Variants in DENND1B observed in about 807,000 individuals in gnomAD.
The protein encoded by DENND1B is DENN domain containing 1B.
In DENND1B, 59 loss-of-function variants were observed where a neutral mutation model predicts 90.1. The observed-to-expected ratio is 0.65, with a 90% CI of 0.53 to 0.81. DENND1B has a LOEUF of 0.81. Among genes scored for constraint, DENND1B ranks in the 40% least tolerant of loss-of-function variants. DENND1B has a pLI of 0.00. For synonymous variants in DENND1B, 337 were observed against 324.6 expected (o/e 1.04, Z -0.41); for missense variants, 862 against 912.6 (o/e 0.94, Z 0.71).
chr1:197,595,624 C>T (rs1025780541), intron 13 of DENND1B, among the ~76,000 whole-genome samples: 2 of 152,050 alleles, frequency 1.3e-5, no homozygotes, highest in African/African-American at 4.8e-5. Flanking sequence ...TTGTGAGCCA[C>T]ATTTCTACAG....
At chr1:197,563,574 C>A (rs933454842) in intron 15 of DENND1B, among the ~76,000 whole-genome samples, 1 of 151,900 alleles carries the variant, frequency 6.6e-6, no homozygotes, top group African/African-American at 2.4e-5. Context: ...ATGCACCTGG[C>A]CACCCAAGAA....
At chr1:197,651,644 T>G (rs1275375402) in intron 7 of DENND1B, among the ~76,000 whole-genome samples, 1 of 134,562 alleles carries the variant, frequency 7.4e-6, no homozygotes, top group East Asian at 2.2e-4. Flanking sequence ...AATCAATGCT[T>G]CTTTTTTTTT....
intron 2 of DENND1B, among the ~76,000 whole-genome samples, chr1:197,725,431 T>C (rs1207841366): frequency 6.6e-6 from 1 of 152,028 alleles, no homozygotes; most frequent in African/African-American, 2.4e-5. Context: ...GCTAAAGAAA[T>C]TGTAACAGAA....
At chr1:197,529,260 GTGTGTGTGTATATGTA>G (rs1558205957) in intron 20 of DENND1B, among the ~76,000 whole-genome samples, 2 of 61,572 alleles carry the variant, frequency 3.2e-5, no homozygotes, top group African/African-American at 9.7e-5. Flanking sequence ...GTGTGTGTGT[GTGTGTGTGTATATGTA>G]TATATGTATA....
chr1:197,641,740 T>C (rs1381551272), intron 10 of DENND1B, among the ~76,000 whole-genome samples: 1 of 152,150 alleles, frequency 6.6e-6, no homozygotes, highest in Admixed American at 6.6e-5. Flanking sequence ...CTGTTTGGCC[T>C]TGAAGTGGTC....
At chr1:197,597,008 C>T (rs530502106) in intron 13 of DENND1B, among the ~76,000 whole-genome samples, 1 of 151,920 alleles carries the variant, frequency 6.6e-6, no homozygotes, top group Admixed American at 6.6e-5. Context: ...AAGGCCTTTG[C>T]AGTGTAGGTC....
intron 5 of DENND1B, 122 bp downstream of exon 5, chr1:197,671,915 G>A (rs1167862720): frequency 4.8e-6 from 5 of 1,047,822 alleles, no homozygotes; most frequent in Non-Finnish European, 6.5e-6. Flanking sequence ...AGAAAATCAG[G>A]AAAATTATTT....
intron 18 of DENND1B, 149 bp downstream of exon 18, chr1:197,545,773 T>A: frequency 1.6e-6 from 1 of 613,380 alleles, no homozygotes; most frequent in Non-Finnish European, 2.7e-6. Context: ...ATTTTAACAA[T>A]TGAATTTGCT....
intron 2 of DENND1B, among the ~76,000 whole-genome samples, chr1:197,755,337 C>A (rs1187872568): frequency 6.6e-6 from 1 of 151,882 alleles, no homozygotes; most frequent in Non-Finnish European, 1.5e-5. Context: ...ATGAAAAATA[C>A]TTTCTCAACA....
intron 15 of DENND1B, among the ~76,000 whole-genome samples, chr1:197,581,954 A>G (rs999888777): frequency 6.6e-6 from 1 of 152,200 alleles, no homozygotes; most frequent in African/African-American, 2.4e-5. Context: ...TTCAGCATTT[A>G]TAAAGCACTA....
intron 2 of DENND1B, among the ~76,000 whole-genome samples, chr1:197,744,167 T>A (rs905522163): frequency 6.6e-6 from 1 of 152,224 alleles, no homozygotes; most frequent in African/African-American, 2.4e-5. Context: ...TCTGTTAATG[T>A]CGATATTTTG....
At chr1:197,557,114 T>C (rs576248704) in intron 15 of DENND1B, among the ~76,000 whole-genome samples, 2 of 152,124 alleles carry the variant, frequency 1.3e-5, no homozygotes, top group East Asian at 3.9e-4. Context: ...TTGCTATACA[T>C]AATGGTAATT....
intron 4 of DENND1B, among the ~76,000 whole-genome samples, chr1:197,673,170 C>A (rs75374270): frequency 6.6e-6 from 1 of 151,474 alleles, no homozygotes; most frequent in Non-Finnish European, 1.5e-5. Flanking sequence ...AAAAAAAAAA[C>A]CCTCTAGTGA....
At chr1:197,590,287 C>T (rs1675080491) in intron 14 of DENND1B, among the ~76,000 whole-genome samples, 1 of 152,038 alleles carries the variant, frequency 6.6e-6, no homozygotes, top group African/African-American at 2.4e-5. Context: ...GGTTAATTTG[C>T]CCCAAGTCAT....
At chr1:197,603,077 G>A (rs1676351094) in intron 13 of DENND1B, among the ~76,000 whole-genome samples, 1 of 151,138 alleles carries the variant, frequency 6.6e-6, no homozygotes, top group South Asian at 2.1e-4. Flanking sequence ...AACATACAGT[G>A]GTCTACAGTG....
In DENND1B at chr1:197,508,334, T is replaced by A. The variant is rs1423887320; in HGVS notation, c.*2126A>T. The A allele has an allele frequency of 6.6e-6, 1 of 151,800 alleles. No homozygotes were observed. 9.4% of individuals were successfully genotyped at this position (151,800 alleles called of 1,614,324 possible). A position where few individuals can be genotyped will look rare whatever the true frequency, so the allele number is the denominator to read the frequency against. ...GATTTAAAACAGCTCTTTTGCTATATGGACTTCTTCCATTATAAACTTCAG... is the reference window on the plus strand; with the variant it reads ...GATTTAAAACAGCTCTTTTGCTATAAGGACTTCTTCCATTATAAACTTCAG... On this transcript the variant is annotated 3_prime_UTR_variant, in exon 23 of 23. Transcript: ENST00000620048.
chr1:197,720,255 G>T (rs1311841952), intron 2 of DENND1B, among the ~76,000 whole-genome samples: 1 of 150,934 alleles, frequency 6.6e-6, no homozygotes, highest in Non-Finnish European at 1.5e-5. Flanking sequence ...AATTTTTTTT[G>T]AGACAGGGTC....
intron 3 of DENND1B, among the ~76,000 whole-genome samples, chr1:197,683,959 G>A (rs923970725): frequency 4.6e-5 from 7 of 152,118 alleles, no homozygotes; most frequent in Non-Finnish European, 8.8e-5. Context: ...AAGTTTTTGC[G>A]GCTGTTTTCA....
chr1:197,693,789 T>C (rs1658152932), intron 3 of DENND1B, among the ~76,000 whole-genome samples: 1 of 151,482 alleles, frequency 6.6e-6, no homozygotes. Flanking sequence ...CATATTTCCA[T>C]AATCCACACT....
Sources: gnomAD v4.1 joint callset for allele counts (sites outside exome capture counted in the v4.1 genomes callset) on GRCh38, gnomAD v4.1.1 for gene constraint, MANE v1.5 for transcripts, NCBI Gene and HGNC (gene_info 2026-07-23, HGNC 2026-07-21) for gene names.